Variants in FGF10 observed in about 807,000 individuals in gnomAD.
FGF10 encodes FGF-10.
A neutral mutation model predicts 19.8 loss-of-function variants in FGF10; 2 were observed. The ratio of observed to expected loss-of-function variants is 0.10; its 90% CI spans 0.04 to 0.32. The LOEUF (loss-of-function observed/expected upper bound fraction) is 0.32, where lower values mean the gene tolerates loss of function less well. Ranked by LOEUF, FGF10 falls within the 10% of genes least tolerant of loss-of-function variation. The pLI, the probability that FGF10 is intolerant of heterozygous loss-of-function variation, is 1.00. For synonymous variants in FGF10, 112 were observed against 94.0 expected, an observed-to-expected ratio of 1.19 and a Z score of -1.10; for missense variants, 191 against 246.3, an observed-to-expected ratio of 0.78 and a Z score of 1.50.
chr5:44,380,651 T>A (rs912898557), intron 1 of FGF10, among the ~76,000 whole-genome samples: 1 of 152,166 alleles, frequency 6.6e-6, no homozygotes, highest in African/African-American at 2.4e-5. Context: ...TCAGCATTCA[T>A]CTTTTTTAAA....
intron 1 of FGF10, among the ~76,000 whole-genome samples, chr5:44,372,874 T>C (rs1053166448): frequency 6.6e-6 from 1 of 152,216 alleles, no homozygotes; most frequent in African/African-American, 2.4e-5. Context: ...TCAGCCTCTG[T>C]GACTTGAGGG....
intron 1 of FGF10, among the ~76,000 whole-genome samples, chr5:44,359,044 C>T (rs1471228070): frequency 6.6e-6 from 1 of 151,508 alleles, no homozygotes; most frequent in South Asian, 2.1e-4. Context: ...TACACAATGG[C>T]TCAAGCCTTT....
intron 1 of FGF10, among the ~76,000 whole-genome samples, chr5:44,359,621 T>C (rs1157617249): frequency 1.3e-5 from 2 of 151,462 alleles, no homozygotes; most frequent in East Asian, 1.9e-4. Flanking sequence ...AAATCTTATT[T>C]TTCCTCATTA....
At chr5:44,363,415 C>T (rs1741535961) in intron 1 of FGF10, among the ~76,000 whole-genome samples, 1 of 151,822 alleles carries the variant, frequency 6.6e-6, no homozygotes, top group African/African-American at 2.4e-5. Context: ...AGCAACAGGA[C>T]TCAGCCATTA....
chr5:44,361,638 GGAGA>G (rs1561214431), intron 1 of FGF10, among the ~76,000 whole-genome samples: 1 of 151,634 alleles, frequency 6.6e-6, no homozygotes, highest in Non-Finnish European at 1.5e-5. Flanking sequence ...GAGCCAGGGA[GGAGA>G]GAGAAGTCTG....
At chr5:44,318,703 A>G (rs1740413343) in intron 1 of FGF10, among the ~76,000 whole-genome samples, 1 of 152,182 alleles carries the variant, frequency 6.6e-6, no homozygotes, top group African/African-American at 2.4e-5. Context: ...GTTATGCATC[A>G]GTAGAAGCCA....
intron 1 of FGF10, among the ~76,000 whole-genome samples, chr5:44,319,011 G>T (rs1231409741): frequency 1.3e-5 from 2 of 152,142 alleles, no homozygotes; most frequent in Non-Finnish European, 2.9e-5. Context: ...TTTCGTAATA[G>T]ATGACATTGG....
chr5:44,334,031 A>C (rs1212467487), intron 1 of FGF10, among the ~76,000 whole-genome samples: 1 of 152,090 alleles, frequency 6.6e-6, no homozygotes, highest in Non-Finnish European at 1.5e-5. Flanking sequence ...ACAAATGGTC[A>C]CGTGGGGCAA....
intron 1 of FGF10, among the ~76,000 whole-genome samples, chr5:44,337,700 G>T (rs546675711): frequency 6.6e-6 from 1 of 152,178 alleles, no homozygotes; most frequent in Non-Finnish European, 1.5e-5. Context: ...CCAGCACTTT[G>T]GGAGGCTGAG....
chr5:44,362,298 G>A (rs760935873), intron 1 of FGF10, among the ~76,000 whole-genome samples: 1 of 151,710 alleles, frequency 6.6e-6, no homozygotes, highest in Admixed American at 6.6e-5. Context: ...CTTTGCTAAA[G>A]AGATTCCTTC....
chr5:44,324,007 C>T (rs1740556203), intron 1 of FGF10, among the ~76,000 whole-genome samples: 1 of 151,964 alleles, frequency 6.6e-6, no homozygotes, highest in Non-Finnish European at 1.5e-5. Flanking sequence ...CCCTATCTAT[C>T]TACCTATCTA....
intron 1 of FGF10, among the ~76,000 whole-genome samples, chr5:44,378,446 T>C (rs909209659): frequency 2.0e-5 from 3 of 152,200 alleles, no homozygotes; most frequent in South Asian, 4.1e-4. Context: ...GGTAGTTCTA[T>C]TTTGAGACAG....
In FGF10 at chr5:44,388,944, C is replaced by T; in HGVS notation, c.-262G>A. ...TGGTGGACGTGGGTGGCCGCAGCAGCAGGAGCTGGTGGTGGCGTTGGTGGT... is the reference window on the plus strand; with the variant it reads ...TGGTGGACGTGGGTGGCCGCAGCAGTAGGAGCTGGTGGTGGCGTTGGTGGT... On this transcript the variant is annotated 5_prime_UTR_variant, in exon 1 of 3. Transcript: ENST00000264664. 1.8e-6 allele frequency: 1 copy of T among 570,816 alleles called. No homozygotes were observed. Among genetic ancestry groups the T allele is most frequent in the Non-Finnish European group, 3.2e-6 (1 of 317,362 alleles). 35.4% of individuals were successfully genotyped at this position (570,816 alleles called of 1,614,324 possible). A position where few individuals can be genotyped will look rare whatever the true frequency, so the allele number is the denominator to read the frequency against.
At position 44,303,415 on chromosome 5, in the gene FGF10, C is replaced by G. The variant is rs1740004327; in HGVS notation, c.*1580G>C. Reference sequence around the variant, plus strand: ...AATACTGTGTCCAAACAATAAAATGCTTTTTCAAAACAAGAAATATGAAGA... The same window carrying G: ...AATACTGTGTCCAAACAATAAAATGGTTTTTCAAAACAAGAAATATGAAGA... On this transcript the variant is annotated 3_prime_UTR_variant, in exon 3 of 3. Coordinates refer to ENST00000264664, the MANE Select transcript of FGF10 (RefSeq NM_004465.2). 1.3e-5 allele frequency: 2 copies of G among 151,852 alleles called. No individual in the cohort carries two copies. Among genetic ancestry groups the G allele is most frequent in the Non-Finnish European group, 2.9e-5 (2 of 67,966 alleles). 9.4% of individuals were successfully genotyped at this position (151,852 alleles called of 1,614,324 possible).
At chr5:44,349,445 T>G (rs1476432203) in intron 1 of FGF10, among the ~76,000 whole-genome samples, 7 of 13,846 alleles carry the variant, frequency 5.1e-4, no homozygotes, top group African/African-American at 1.3e-3. Context: ...TATATATATA[T>G]ATATATATAT....
intron 1 of FGF10, among the ~76,000 whole-genome samples, chr5:44,311,811 G>T (rs1740216459): frequency 6.6e-6 from 1 of 152,042 alleles, no homozygotes; most frequent in African/African-American, 2.4e-5. Flanking sequence ...TGTATCATGA[G>T]AAACACCATC....
intron 1 of FGF10, among the ~76,000 whole-genome samples, chr5:44,380,945 C>A (rs1214300542): frequency 5.3e-5 from 8 of 152,180 alleles, no homozygotes; most frequent in African/African-American, 1.7e-4. Context: ...ATGAGTGAGA[C>A]CCTGTCTTCA....
intron 1 of FGF10, among the ~76,000 whole-genome samples, chr5:44,344,586 G>GTGTGTGTGTGTGTGTGTGTA (rs1741044629): frequency 6.7e-6 from 1 of 150,174 alleles, no homozygotes; most frequent in Non-Finnish European, 1.5e-5. Context: ...GTGTGTGTGT[G>GTGTGTGTGTGTGTGTGTGTA]TGTGTGTGTG....
At chr5:44,330,307 G>T (rs1278176370) in intron 1 of FGF10, among the ~76,000 whole-genome samples, 1 of 152,132 alleles carries the variant, frequency 6.6e-6, no homozygotes, top group Non-Finnish European at 1.5e-5. Context: ...TGCTTATAAG[G>T]TCTCAATGTC....
Sources: allele counts gnomAD v4.1 joint callset (sites outside exome capture counted in the v4.1 genomes callset), GRCh38; gene constraint gnomAD v4.1.1; transcripts MANE v1.5; gene names NCBI Gene and HGNC (gene_info 2026-07-23, HGNC 2026-07-21).